APBB1IP: variants seen among roughly 807,000 people sequenced by gnomAD.
APBB1IP encodes the protein amyloid beta A4 precursor protein-binding family B member 1-interacting protein.
APBB1IP carries 27 observed loss-of-function variants against 64.9 expected under a neutral mutation model. The observed-to-expected ratio is 0.42, with a 90% CI of 0.31 to 0.57. APBB1IP has a LOEUF of 0.57. APBB1IP is among the 20% of genes least tolerant of loss of function. The pLI, the probability that APBB1IP is intolerant of heterozygous loss-of-function variation, is 0.20. For synonymous variants in APBB1IP, 392 were observed against 331.0 expected (o/e 1.18, Z -2.00); for missense variants, 812 against 845.5 (o/e 0.96, Z 0.49).
chr10:26,524,955 C>CTTTCTTTTTTTTTTTTTT (rs747655095), intron 8 of APBB1IP, among the ~76,000 whole-genome samples: 3 of 73,970 alleles, frequency 4.1e-5, no homozygotes, highest in Admixed American at 2.1e-4. Flanking sequence ...TTCTTTCTTT[C>CTTTCTTTTTTTTTTTTTT]TTTTTTTTTT....
intron 11 of APBB1IP, 58 bp downstream of exon 11, chr10:26,541,750 C>G (rs1439279190): frequency 2.3e-6 from 3 of 1,303,258 alleles, no homozygotes; most frequent in African/African-American, 1.5e-5. Flanking sequence ...AATTTTTTTT[C>G]AAGGAAGAAA....
intron 8 of APBB1IP, among the ~76,000 whole-genome samples, chr10:26,519,441 G>A (rs1476303179): frequency 1.3e-5 from 2 of 152,186 alleles, no homozygotes; most frequent in East Asian, 3.8e-4. Flanking sequence ...TTACATGGCT[G>A]GGGCAGGAGG....
At chr10:26,518,155 A>G (rs940287631) in intron 8 of APBB1IP, among the ~76,000 whole-genome samples, 13 of 151,430 alleles carry the variant, frequency 8.6e-5, no homozygotes, top group Non-Finnish European at 1.3e-4. Context: ...GGGTTTCACC[A>G]TGTTGGCCAG....
chr10:26,496,083 G>A lies in APBB1IP; in HGVS notation c.73-221G>A, dbSNP rs182570579. Among the ~76,000 whole-genome samples, 368 of 150,044 alleles carry A rather than the reference G, an allele frequency of 2.5e-3. 2 individuals carry two copies. In the South Asian group the frequency reaches 0.025, roughly 10 times the overall value. On this transcript the variant is annotated intron_variant, in intron 3 of 14. Coordinates refer to ENST00000376236, the MANE Select transcript of APBB1IP (RefSeq NM_019043.4). ...CTCATTATCATTGCTCTCAATTGAC[G>A]TGGTCTGTTTCAAGATCTTCCTTCT...
chr10:26,529,847 G>T (rs1314947016), intron 8 of APBB1IP, among the ~76,000 whole-genome samples: 1 of 152,100 alleles, frequency 6.6e-6, no homozygotes. Flanking sequence ...TGCCATGTTA[G>T]CCAGGCTGGT....
At chr10:26,495,983 T>C (rs1836018803) in intron 3 of APBB1IP, among the ~76,000 whole-genome samples, 2 of 143,516 alleles carry the variant, frequency 1.4e-5, no homozygotes, top group Non-Finnish European at 3.0e-5. Context: ...ATAAATATAA[T>C]ATATATATTA....
intron 8 of APBB1IP, among the ~76,000 whole-genome samples, chr10:26,522,310 A>C (rs1020244159): frequency 6.6e-6 from 1 of 152,062 alleles, no homozygotes; most frequent in Non-Finnish European, 1.5e-5. Flanking sequence ...AGCTTCCCCC[A>C]CTATCAACAC....
chr10:26,549,434 C>T (rs968858086), intron 11 of APBB1IP, among the ~76,000 whole-genome samples: 1 of 152,138 alleles, frequency 6.6e-6, no homozygotes, highest in Non-Finnish European at 1.5e-5. Flanking sequence ...GCAGTGAAGC[C>T]ATCAGGTCCT....
At chr10:26,554,679 T>A (rs1836872792) in intron 11 of APBB1IP, among the ~76,000 whole-genome samples, 1 of 152,178 alleles carries the variant, frequency 6.6e-6, no homozygotes, top group Non-Finnish European at 1.5e-5. Flanking sequence ...CTTCCTGGGC[T>A]TAAGTGATCC....
chr10:26,543,185 G>A (rs934603741), intron 11 of APBB1IP, among the ~76,000 whole-genome samples: 4 of 151,876 alleles, frequency 2.6e-5, no homozygotes, highest in African/African-American at 9.7e-5. Context: ...GTTGAATGAC[G>A]GCCGGGCACG....
chr10:26,459,558 T>G (rs1835566578), intron 2 of APBB1IP, among the ~76,000 whole-genome samples: 1 of 152,192 alleles, frequency 6.6e-6, no homozygotes. Context: ...CCACCAACAG[T>G]GTAAAAGTGT....
At chr10:26,524,996 A>G (rs1836455398) in intron 8 of APBB1IP, among the ~76,000 whole-genome samples, 1 of 113,568 alleles carries the variant, frequency 8.8e-6, no homozygotes, top group Non-Finnish European at 1.8e-5. Flanking sequence ...AATCCTGGCA[A>G]GAGAAAAAAA....
chr10:26,562,656 G>T (rs1410407638), intron 14 of APBB1IP, among the ~76,000 whole-genome samples: 1 of 152,038 alleles, frequency 6.6e-6, no homozygotes, highest in East Asian at 1.9e-4. Flanking sequence ...AATTAGCCAG[G>T]CATGGTGGCA....
intron 14 of APBB1IP, 95 bp from the exon 15 acceptor site, chr10:26,566,866 G>A: frequency 1.5e-6 from 2 of 1,375,640 alleles, no homozygotes; most frequent in Non-Finnish European, 1.9e-6. Context: ...CAGCCTGGGC[G>A]ACAGAGTGAG....
intron 2 of APBB1IP, among the ~76,000 whole-genome samples, chr10:26,454,795 T>C (rs2132401590): frequency 6.6e-6 from 1 of 152,328 alleles, no homozygotes; most frequent in East Asian, 1.9e-4. Context: ...CAATTATGCA[T>C]TGCACGCCTG....
chr10:26,483,889 T>G (rs1432437712), intron 2 of APBB1IP, among the ~76,000 whole-genome samples: 1 of 152,206 alleles, frequency 6.6e-6, no homozygotes, highest in Non-Finnish European at 1.5e-5. Context: ...ATTTTTTTAT[T>G]TTTTGTAGAG....
intron 11 of APBB1IP, among the ~76,000 whole-genome samples, chr10:26,552,396 G>A (rs922964981): frequency 3.3e-5 from 5 of 152,056 alleles, no homozygotes; most frequent in Non-Finnish European, 5.9e-5. Flanking sequence ...TTAGGAGTTC[G>A]AGACCAGCCT....
chr10:26,497,191 C>G (rs1014864941), intron 4 of APBB1IP, among the ~76,000 whole-genome samples: 4 of 151,604 alleles, frequency 2.6e-5, no homozygotes, highest in Non-Finnish European at 5.9e-5. Flanking sequence ...AAATAAAAAA[C>G]AAAACAAAAC....
intron 2 of APBB1IP, among the ~76,000 whole-genome samples, chr10:26,477,717 C>G (rs1030924909): frequency 1.3e-5 from 2 of 152,196 alleles, no homozygotes; most frequent in African/African-American, 4.8e-5. Context: ...CCCTGTGGAG[C>G]TTGAGTGAAT....
Sources: gnomAD v4.1 joint callset for allele counts (sites outside exome capture counted in the v4.1 genomes callset) on GRCh38, gnomAD v4.1.1 for gene constraint, MANE v1.5 for transcripts, NCBI Gene and HGNC (gene_info 2026-07-23, HGNC 2026-07-21) for gene names.